The following RBFOX1 variants were observed in gnomAD, a reference collection of about 807,000 sequenced individuals.
RBFOX1 encodes the protein RNA binding protein fox-1 homolog 1.
RBFOX1 carries 8 observed loss-of-function variants against 57.7 expected under a neutral mutation model. The ratio of observed to expected loss-of-function variants is 0.14; its 90% confidence interval spans 0.08 to 0.25. The LOEUF (loss-of-function observed/expected upper bound fraction) is 0.25, where lower values mean the gene tolerates loss of function less well. RBFOX1 is among the 10% of genes least tolerant of loss of function. The pLI, the probability that RBFOX1 is intolerant of heterozygous loss-of-function variation, is 1.00. For missense variants in RBFOX1, 611 were observed against 548.5 expected, an observed-to-expected ratio of 1.11 and a Z score of -1.14; for synonymous variants, 326 against 222.4, an observed-to-expected ratio of 1.47 and a Z score of -4.15.
At chr16:5,672,718 GAA>G (rs34943946) in intron 3 of RBFOX1, among the ~76,000 whole-genome samples, 1 of 151,928 alleles carries the variant, frequency 6.6e-6, no homozygotes, top group Non-Finnish European at 1.5e-5. Flanking sequence ...ATGTCAAGAG[GAA>G]AAAAACTTTA....
intron 3 of RBFOX1, among the ~76,000 whole-genome samples, chr16:6,667,903 A>T (rs2098742561): frequency 6.6e-6 from 1 of 151,018 alleles, no homozygotes; most frequent in South Asian, 2.1e-4. Flanking sequence ...AAACTAAAGA[A>T]AAAAAAAATA....
At chr16:5,634,447 T>A (rs956611621) in intron 3 of RBFOX1, among the ~76,000 whole-genome samples, 1 of 152,200 alleles carries the variant, frequency 6.6e-6, no homozygotes, top group African/African-American at 2.4e-5. Context: ...TAATTAATCA[T>A]TTTAAATTGC....
At chr16:6,842,910 G>C (rs1359185330) in intron 3 of RBFOX1, among the ~76,000 whole-genome samples, 1 of 152,066 alleles carries the variant, frequency 6.6e-6, no homozygotes, top group Non-Finnish European at 1.5e-5. Context: ...TTATGAGTGA[G>C]AACATGCAGT....
intron 1 of RBFOX1, among the ~76,000 whole-genome samples, chr16:5,424,874 T>C (rs1197036077): frequency 2.6e-4 from 25 of 96,750 alleles, no homozygotes; most frequent in Middle Eastern, 4.6e-3. Context: ...TTCTTTCTTT[T>C]TTTTCTTTCT....
At chr16:7,285,498 C>T (rs1163769252) in intron 4 of RBFOX1, among the ~76,000 whole-genome samples, 1 of 152,006 alleles carries the variant, frequency 6.6e-6, no homozygotes, top group Non-Finnish European at 1.5e-5. Context: ...ACAAACATTT[C>T]CATCACCACT....
chr16:5,405,392 G>A (rs938596987), intron 1 of RBFOX1, among the ~76,000 whole-genome samples: 1 of 152,188 alleles, frequency 6.6e-6, no homozygotes, highest in East Asian at 1.9e-4. Context: ...TTATAAAAAG[G>A]AGTTCCCCTG....
intron 3 of RBFOX1, among the ~76,000 whole-genome samples, chr16:5,635,512 A>T: frequency 6.6e-6 from 1 of 152,328 alleles, no homozygotes; most frequent in Non-Finnish European, 1.5e-5. Flanking sequence ...TTTGAGTGAC[A>T]AATGTGTTGA....
In RBFOX1 at chr16:7,016,835, C is replaced by T. The variant is rs148826411; in HGVS notation, c.-15-35222C>T. On this transcript the variant is annotated intron_variant, in intron 3 of 15. Coordinates refer to ENST00000550418, the MANE Select transcript of RBFOX1 (RefSeq NM_018723.4). ...AGGTGAGGTTATTGTGATTTGGTTT[C>T]GGCCAGCACTTGCTGCAGAGAACTT... is the stretch of plus-strand genomic sequence containing the variant. 2.7e-3 allele frequency among the ~76,000 whole-genome samples: 408 copies of T among 152,222 alleles called. 3 individuals carry two copies. The highest frequency in any genetic ancestry group is 9.4e-3 in the African/African-American group (390 of 41,550).
chr16:5,292,085 G>C (rs1398992484), intron 1 of RBFOX1, among the ~76,000 whole-genome samples: 1 of 152,112 alleles, frequency 6.6e-6, no homozygotes, highest in African/African-American at 2.4e-5. Context: ...CAGAGGGATG[G>C]ACGTTCATTT....
At chr16:6,799,198 C>A (rs1033521357) in intron 3 of RBFOX1, among the ~76,000 whole-genome samples, 3 of 151,968 alleles carry the variant, frequency 2.0e-5, no homozygotes, top group African/African-American at 7.3e-5. Flanking sequence ...TGGAGGAGAG[C>A]CAGTTTACTA....
chr16:6,818,097 T>C (rs1402189763), intron 3 of RBFOX1, among the ~76,000 whole-genome samples: 1 of 152,176 alleles, frequency 6.6e-6, no homozygotes, highest in African/African-American at 2.4e-5. Context: ...TGCATTATTG[T>C]TTCAGATTTT....
At chr16:6,210,176 G>C (rs1236406198) in intron 1 of RBFOX1, among the ~76,000 whole-genome samples, 1 of 151,598 alleles carries the variant, frequency 6.6e-6, no homozygotes, top group African/African-American at 2.4e-5. Flanking sequence ...AACTTAGCTA[G>C]GCATGGTGGT....
intron 1 of RBFOX1, among the ~76,000 whole-genome samples, chr16:5,459,631 T>C (rs1234433180): frequency 1.3e-5 from 2 of 152,114 alleles, no homozygotes; most frequent in African/African-American, 4.8e-5. Flanking sequence ...TTTCAGTTTA[T>C]TAATAAGAAT....
At position 6,019,754 on chromosome 16, in the gene RBFOX1, A is replaced by C. The variant is rs1031471696; in HGVS notation, c.-365A>C. 7.2e-7 allele frequency: 1 copy of C among 1,389,136 alleles called. No individual in the cohort carries two copies. Among genetic ancestry groups the C allele is most frequent in the African/African-American group, 1.5e-5 (1 of 67,006 alleles). The allele number at this position is 1,389,136 out of a possible 1,614,324, so 86.1% of individuals were successfully genotyped here. A position where few individuals can be genotyped will look rare whatever the true frequency, so the allele number is the denominator to read the frequency against. The stretch of plus-strand genomic sequence containing the variant: ...CCGGGATTGAGAGTCCTTGCGCTCC[A>C]GACCCCCACCCAGTGGCCGCCAGGG... On this transcript the variant is annotated 5_prime_UTR_variant, in exon 1 of 16. Transcript: ENST00000550418. The surrounding 1 kb of genome is among the most constrained non-coding windows in gnomAD (Gnocchi z 4.2).
chr16:7,249,840 A>G (rs1443723944), intron 4 of RBFOX1, among the ~76,000 whole-genome samples: 1 of 152,220 alleles, frequency 6.6e-6, no homozygotes, highest in African/African-American at 2.4e-5. Flanking sequence ...AAATACTTGA[A>G]TAAAGGTTAT....
intron 1 of RBFOX1, among the ~76,000 whole-genome samples, chr16:5,445,050 G>A (rs1248728663): frequency 6.6e-6 from 1 of 152,112 alleles, no homozygotes; most frequent in Non-Finnish European, 1.5e-5. Context: ...AGGGTGACAT[G>A]ATCAGATGTG....
intron 1 of RBFOX1, among the ~76,000 whole-genome samples, chr16:5,330,705 T>C (rs1385338247): frequency 6.7e-6 from 1 of 149,058 alleles, no homozygotes; most frequent in Non-Finnish European, 1.5e-5. Context: ...TTGCCCAGCC[T>C]ACTTTTTTTT....
intron 2 of RBFOX1, among the ~76,000 whole-genome samples, chr16:5,588,395 GCA>G (rs2046901381): frequency 6.6e-6 from 1 of 152,150 alleles, no homozygotes; most frequent in African/African-American, 2.4e-5. Context: ...GAGAATTGTG[GCA>G]CAGAGGCCGA....
At chr16:6,302,261 T>C (rs2078908770) in intron 1 of RBFOX1, among the ~76,000 whole-genome samples, 1 of 152,042 alleles carries the variant, frequency 6.6e-6, no homozygotes, top group Non-Finnish European at 1.5e-5. Context: ...CTCACTCCAG[T>C]TTTATGACTT....
Sources: gnomAD v4.1 joint callset for allele counts (sites outside exome capture counted in the v4.1 genomes callset) on GRCh38, gnomAD v4.1.1 for gene constraint, Gnocchi (gnomAD v3.1) non-coding constraint, MANE v1.5 for transcripts, NCBI Gene and HGNC (gene_info 2026-07-23, HGNC 2026-07-21) for gene names.